CACNA1D: variants seen among roughly 807,000 people sequenced by gnomAD.
CACNA1D encodes the protein calcium voltage-gated channel subunit alpha1 D.
In CACNA1D, 55 loss-of-function variants were observed where a neutral mutation model predicts 257.1. That is an observed-to-expected ratio of 0.21 (90% confidence interval 0.17 to 0.27). The LOEUF (loss-of-function observed/expected upper bound fraction) is 0.27. Among genes scored for constraint, CACNA1D ranks in the 10% least tolerant of loss-of-function variants. The pLI is 1.00. For missense variants in CACNA1D, 1,876 were observed against 2,784.0 expected, an observed-to-expected ratio of 0.67 and a Z score of 7.34; for synonymous variants, 980 against 1,014.9, an observed-to-expected ratio of 0.97 and a Z score of 0.65.
intron 3 of CACNA1D, among the ~76,000 whole-genome samples, chr3:53,621,241 T>C (rs975849871): frequency 5.9e-5 from 9 of 152,158 alleles, no homozygotes; most frequent in African/African-American, 2.2e-4. Flanking sequence ...TGGCCCCTAT[T>C]TGAGGCTGAA....
chr3:53,499,367 A>G (rs2090490066), intron 2 of CACNA1D, among the ~76,000 whole-genome samples: 1 of 152,052 alleles, frequency 6.6e-6, no homozygotes, highest in African/African-American at 2.4e-5. Context: ...GGAGCAGGCT[A>G]TAGAAATCCT....
chr3:53,511,007 T>C (rs912520557), intron 3 of CACNA1D, among the ~76,000 whole-genome samples: 1 of 152,194 alleles, frequency 6.6e-6, no homozygotes, highest in African/African-American at 2.4e-5. Flanking sequence ...ATACAAAAAC[T>C]GAGTCTTATT....
rs980708941 is a variant in CACNA1D at position 53,669,304 on chromosome 3, C to T, written c.1116+2769C>T. ...TCCCTGCCCAGCATGGTGCCTGGCA[C>T]CGAGCAGGCACTCAATAAACACAAG... On this transcript the variant is annotated intron_variant, in intron 7 of 47. Coordinates refer to ENST00000350061, the MANE Select transcript of CACNA1D (RefSeq NM_001128840.3). Among the ~76,000 whole-genome samples the T allele has an allele frequency of 7.9e-5, 12 of 152,384 alleles. No homozygotes were observed. The East Asian group carries it at 2.3e-3, about 29-fold the overall frequency.
At chr3:53,660,085 C>T in intron 4 of CACNA1D, 48 bp from the exon 5 acceptor site, 1 of 1,563,022 alleles carries the variant, frequency 6.4e-7, no homozygotes, top group South Asian at 1.1e-5. Flanking sequence ...TGTTTTGCGT[C>T]CCTGGGGTAA....
rs544954137 is a variant in CACNA1D, at chr3:53,709,081, G to A, written c.1390+6271G>A. ...GACCATCAGCTCCATGGGTGCAGCA[G>A]GAATAGGGTCTGTTTCTGCCCTCTG... On this transcript the variant is annotated intron_variant, in intron 9 of 47. Coordinates refer to ENST00000350061, the MANE Select transcript of CACNA1D (RefSeq NM_001128840.3). Among the ~76,000 whole-genome samples the A allele has an allele frequency of 6.6e-5, 10 of 152,316 alleles. No individual in the cohort carries two copies. The East Asian group carries it at 1.9e-3, about 29-fold the overall frequency.
chr3:53,645,291 C>T (rs1343648558), intron 3 of CACNA1D, among the ~76,000 whole-genome samples: 2 of 152,036 alleles, frequency 1.3e-5, no homozygotes, highest in Non-Finnish European at 2.9e-5. Context: ...TGGTGGTTTT[C>T]CCTTTGTTGT....
At chr3:53,672,234 A>AG (rs1448608074) in intron 7 of CACNA1D, among the ~76,000 whole-genome samples, 8 of 152,312 alleles carry the variant, frequency 5.3e-5, no homozygotes, top group Admixed American at 4.6e-4. Context: ...CCAGTCTCCC[A>AG]GGGGGGTCAT....
chr3:53,775,931 C>T lies in CACNA1D; in HGVS notation c.4248C>T (p.Leu1416=). 2 of 1,614,140 alleles carry T rather than the reference C, an allele frequency of 1.2e-6. No homozygotes were observed. Residue 1416 remains leucine, a synonymous_variant, in exon 35 of 48, where the codon CTC becomes CTT. Coordinates refer to ENST00000350061, the MANE Select transcript of CACNA1D (RefSeq NM_001128840.3). ...EAWQEIMLAC[L]PGKLCDPESD... Reference sequence around the variant, plus strand: ...GGCAGGAGATCATGCTGGCCTGTCTCCCAGGGAAGCTCTGTGACCCTGAGT... The same window carrying T: ...GGCAGGAGATCATGCTGGCCTGTCTTCCAGGGAAGCTCTGTGACCCTGAGT...
chr3:53,527,658 A>G (rs566052844), intron 3 of CACNA1D, among the ~76,000 whole-genome samples: 14 of 152,314 alleles, frequency 9.2e-5, no homozygotes, highest in Middle Eastern at 3.4e-3. Context: ...TTGGTCTGTT[A>G]ACATGTGGCC....
intron 37 of CACNA1D, among the ~76,000 whole-genome samples, chr3:53,777,794 G>A (rs917692674): frequency 9.2e-5 from 14 of 152,194 alleles, no homozygotes; most frequent in African/African-American, 9.7e-5. Context: ...ACGCTCTCAG[G>A]AACCCTCAGT....
At chr3:53,757,650 A>G (rs949738791) in intron 29 of CACNA1D, among the ~76,000 whole-genome samples, 4 of 152,202 alleles carry the variant, frequency 2.6e-5, no homozygotes, top group Non-Finnish European at 4.4e-5. Context: ...AAAGTCCTCC[A>G]TGAAGCACTG....
Position 53,786,893 on chromosome 3 carries a change from C to A in CACNA1D, c.4864C>A (p.Arg1622=). The change falls in exon 40 of 48, where the codon CGG becomes AGG. Residue 1622 remains arginine (R), a synonymous_variant. Transcript: ENST00000350061. ...GGACTACTTTAGGAAATTCAAGAAACGGAAAGAACAAGGACTGGTGGGAAA... is the reference window on the plus strand; with the variant it reads ...GGACTACTTTAGGAAATTCAAGAAAAGGAAAGAACAAGGACTGGTGGGAAA... ...IQDYFRKFKK[R]KEQGLVGKYP... is the part of the protein sequence containing the mutation. The A allele has an allele frequency of 6.2e-7, 1 of 1,613,758 alleles. No homozygotes were observed. Among genetic ancestry groups the A allele is most frequent in the Non-Finnish European group, 8.5e-7 (1 of 1,179,690 alleles).
At chr3:53,691,445 G>A (rs2094518494) in intron 8 of CACNA1D, among the ~76,000 whole-genome samples, 1 of 151,644 alleles carries the variant, frequency 6.6e-6, no homozygotes, top group Non-Finnish European at 1.5e-5. Flanking sequence ...TAAAAAGATT[G>A]AAACAAAGTC....
At chr3:53,680,262 A>G (rs1363353763) in intron 8 of CACNA1D, among the ~76,000 whole-genome samples, 1 of 152,152 alleles carries the variant, frequency 6.6e-6, no homozygotes, top group Non-Finnish European at 1.5e-5. Flanking sequence ...TGGCAACAGC[A>G]GTGGACAGCA....
At chr3:53,731,867 G>A in intron 17 of CACNA1D, 149 bp from the exon 18 acceptor site, 2 of 695,390 alleles carry the variant, frequency 2.9e-6, no homozygotes, top group South Asian at 3.1e-5. Context: ...TCACCATCTG[G>A]GGACATCTGC....
chr3:53,809,006 C>G (rs1300436672), intron 46 of CACNA1D: 7 of 550,858 alleles, frequency 1.3e-5, no homozygotes, highest in Admixed American at 3.1e-5. Context: ...GCTGCCAAAG[C>G]TGGCCTCACT....
intron 11 of CACNA1D, among the ~76,000 whole-genome samples, chr3:53,721,418 G>A (rs927559396): frequency 9.2e-5 from 14 of 152,332 alleles, no homozygotes; most frequent in Middle Eastern, 3.4e-3. Context: ...AGCCTGGAGA[G>A]GACTGACTTT....
chr3:53,722,054 G>T (rs1259871688), intron 11 of CACNA1D, among the ~76,000 whole-genome samples: 1 of 152,196 alleles, frequency 6.6e-6, no homozygotes, highest in African/African-American at 2.4e-5. Flanking sequence ...ACAGATTCTG[G>T]AGTTATCTAT....
In CACNA1D at chr3:53,786,928, G is replaced by A. The variant is rs752608965; in HGVS notation, c.4899G>A (p.Ala1633=). The A allele has an allele frequency of 5.4e-5, 87 of 1,614,076 alleles. No homozygotes were observed. In the South Asian group the frequency reaches 7.1e-4, roughly 13 times the overall value. The change falls in exon 40 of 48, where the codon GCG becomes GCA. Residue 1633 remains alanine (A), a synonymous_variant. Coordinates refer to ENST00000350061, the MANE Select transcript of CACNA1D (RefSeq NM_001128840.3). The stretch of plus-strand genomic sequence containing the variant: ...AAGGACTGGTGGGAAAGTACCCTGC[G>A]AAGAACACCACAATTGCCCTACAGG... ...KEQGLVGKYP[A]KNTTIALQAG... is the part of the protein sequence containing the mutation.
Sources: allele counts gnomAD v4.1 joint callset (sites outside exome capture counted in the v4.1 genomes callset), GRCh38; gene constraint gnomAD v4.1.1; transcripts MANE v1.5; gene names NCBI Gene and HGNC (gene_info 2026-07-23, HGNC 2026-07-21).